The following MAD2L1BP variants were observed in gnomAD, a reference collection of about 807,000 sequenced individuals.
The protein encoded by MAD2L1BP is MAD2L1 binding protein.
In MAD2L1BP, 22 loss-of-function variants were observed where a neutral mutation model predicts 28.4. That is an observed-to-expected ratio of 0.77 (90% CI 0.55 to 1.10). MAD2L1BP has a LOEUF of 1.10. MAD2L1BP is among the 50% of genes least tolerant of loss of function. The pLI is 0.00. For synonymous variants in MAD2L1BP, 146 were observed against 133.7 expected (o/e 1.09, Z -0.63); for missense variants, 325 against 350.5 (o/e 0.93, Z 0.58).
At chr6:43,631,899 T>C (rs1769944016), upstream of MAD2L1BP, among the ~76,000 whole-genome samples, 1 of 152,092 alleles carries the variant, frequency 6.6e-6, no homozygotes, top group Admixed American at 6.6e-5. Flanking sequence ...AAGTTGTTGT[T>C]GTTTGTTTGT....
upstream of MAD2L1BP, among the ~76,000 whole-genome samples, chr6:43,632,554 C>G (rs926816580): frequency 6.6e-6 from 1 of 151,980 alleles, no homozygotes; most frequent in African/African-American, 2.4e-5. Flanking sequence ...CCACTATGCC[C>G]AGCCAGATCC....
chr6:43,634,722 G>C (rs549711219), upstream of MAD2L1BP, among the ~76,000 whole-genome samples: 3 of 152,150 alleles, frequency 2.0e-5, no homozygotes, highest in African/African-American at 7.2e-5. Flanking sequence ...CACCATGTCT[G>C]GCTAAATTTT....
At chr6:43,635,233 A>T (rs1770132219), upstream of MAD2L1BP, among the ~76,000 whole-genome samples, 2 of 152,174 alleles carry the variant, frequency 1.3e-5, no homozygotes, top group African/African-American at 4.8e-5. Flanking sequence ...GTTATTCACT[A>T]CAGCCTTAAC....
At chr6:43,636,904 G>A in intron 2 of MAD2L1BP, 1 of 462,868 alleles carries the variant, frequency 2.2e-6, no homozygotes, top group South Asian at 2.4e-5. Flanking sequence ...TTGAGACAGA[G>A]TCTTGCTCTG....
chr6:43,635,342 T>C (rs1027993175), upstream of MAD2L1BP, among the ~76,000 whole-genome samples: 1 of 152,246 alleles, frequency 6.6e-6, no homozygotes, highest in African/African-American at 2.4e-5. Flanking sequence ...TGTTGACTTA[T>C]CCTACAGGTC....
intron 2 of MAD2L1BP, among the ~76,000 whole-genome samples, chr6:43,637,054 TTTAA>T (rs1488926039): frequency 2.0e-5 from 3 of 151,774 alleles, no homozygotes; most frequent in Admixed American, 2.0e-4. Context: ...ATTTTTGTAT[TTTAA>T]TTAATTTATT....
exon 1 of MAD2L1BP, chr6:43,629,573 G>A: frequency 1.4e-6 from 1 of 697,994 alleles, no homozygotes; most frequent in South Asian, 1.6e-5. Context: ...CTGGGGTGGG[G>A]ACGCGAGGAC....
At chr6:43,629,658 A>G (rs1769771215) in exon 1 of MAD2L1BP, 5 of 1,373,364 alleles carry the variant, frequency 3.6e-6, no homozygotes, top group Non-Finnish European at 3.0e-6. Flanking sequence ...CGCGGATCCT[A>G]GACAACAGGT....
chr6:43,632,880 G>A (rs1770002519), upstream of MAD2L1BP, among the ~76,000 whole-genome samples: 1 of 151,754 alleles, frequency 6.6e-6, no homozygotes, highest in East Asian at 1.9e-4. Flanking sequence ...AAATTAGCTG[G>A]GTGTGGTGGT....
chr6:43,632,258 C>CTT (rs1197422575), upstream of MAD2L1BP, among the ~76,000 whole-genome samples: 815 of 108,830 alleles, frequency 7.5e-3, 9 homozygotes, highest in African/African-American at 0.028. Context: ...GATTGATTGA[C>CTT]TTTTTTTTTT....
chr6:43,638,649 A>C (rs1287809755), intron 2 of MAD2L1BP, among the ~76,000 whole-genome samples: 2 of 151,558 alleles, frequency 1.3e-5, no homozygotes, highest in African/African-American at 4.8e-5. Context: ...ACAAAAAATT[A>C]GCCGGGCGTG....
Position 43,640,227 on chromosome 6 carries a change from C to A in MAD2L1BP, c.519C>A (p.Ala173=), listed in dbSNP as rs775942648. The change falls in exon 3 of 3, where the codon GCC becomes GCA. Residue 173 remains alanine, a synonymous_variant. Coordinates refer to ENST00000372171, the MANE Select transcript of MAD2L1BP (RefSeq NM_014628.3). ...EFYELDLSLL[A]PYSVDQSLST... is the part of the protein sequence containing the mutation. ...ATGAACTCGACTTGTCTCTGCTGGC[C>A]CCCTACAGCGTGGACCAGAGCCTGA... is the stretch of plus-strand genomic sequence containing the variant. The A allele has an allele frequency of 6.2e-7, 1 of 1,613,944 alleles. No individual in the cohort carries two copies. The highest frequency in any genetic ancestry group is 1.7e-5 in the Admixed American group (1 of 60,002).
At chr6:43,629,589 C>A in exon 1 of MAD2L1BP, 1 of 746,846 alleles carries the variant, frequency 1.3e-6, no homozygotes, top group Non-Finnish European at 2.3e-6. Flanking sequence ...AGGACACCAG[C>A]GTAGAAGAGC....
intron 2 of MAD2L1BP, among the ~76,000 whole-genome samples, chr6:43,639,819 G>A (rs1770463556): frequency 6.6e-6 from 1 of 152,180 alleles, no homozygotes. Context: ...AAATGTGGGA[G>A]AATTATGGTT....
chr6:43,635,230 A>G (rs149049427), upstream of MAD2L1BP, among the ~76,000 whole-genome samples: 127 of 152,228 alleles, frequency 8.3e-4, no homozygotes, highest in African/African-American at 2.5e-3. Flanking sequence ...CCTGTTATTC[A>G]CTACAGCCTT....
At chr6:43,636,824 C>G in intron 2 of MAD2L1BP, 178 bp downstream of exon 2, 1 of 686,114 alleles carries the variant, frequency 1.5e-6, no homozygotes, top group Non-Finnish European at 2.4e-6. Context: ...GCTTTTTCAA[C>G]TGTTCTTTCT....
chr6:43,639,364 C>T (rs867978581), intron 2 of MAD2L1BP, among the ~76,000 whole-genome samples: 2 of 152,276 alleles, frequency 1.3e-5, no homozygotes, highest in Middle Eastern at 6.8e-3. Context: ...TGGTCTTGAT[C>T]TCCTGACCTT....
intron 1 of MAD2L1BP, 22 bp from the exon 2 acceptor site, chr6:43,636,359 T>C: frequency 6.2e-7 from 1 of 1,612,318 alleles, no homozygotes; most frequent in Non-Finnish European, 8.5e-7. Context: ...TTTTCTCTCT[T>C]GTCCCTCTTT....
upstream of MAD2L1BP, among the ~76,000 whole-genome samples, chr6:43,632,837 A>G (rs1159035031): frequency 6.6e-6 from 1 of 151,834 alleles, no homozygotes; most frequent in East Asian, 1.9e-4. Context: ...CTTGGCCAAC[A>G]TGGTGAAACC....
Sources: gnomAD v4.1 joint callset for allele counts (sites outside exome capture counted in the v4.1 genomes callset) on GRCh38, gnomAD v4.1.1 for gene constraint, MANE v1.5 for transcripts, NCBI Gene and HGNC (gene_info 2026-07-23, HGNC 2026-07-21) for gene names.